Variants in EYS observed in about 807,000 individuals in gnomAD.
EYS encodes the protein EGF-like photoreceptor maintenance factor.
In EYS, 250 loss-of-function variants were observed where a neutral mutation model predicts 282.1. The ratio of observed to expected loss-of-function variants is 0.89; its 90% CI spans 0.80 to 0.98. EYS has a LOEUF of 0.98. Among genes scored for constraint, EYS ranks in the 50% least tolerant of loss-of-function variants. EYS has a pLI of 0.00. For synonymous variants in EYS, 1,355 were observed against 1,282.9 expected, an observed-to-expected ratio of 1.06 and a Z score of -1.20; for missense variants, 4,016 against 3,709.0, an observed-to-expected ratio of 1.08 and a Z score of -2.15.
intron 5 of EYS, among the ~76,000 whole-genome samples, chr6:65,427,301 T>A (rs1767697312): frequency 6.6e-6 from 1 of 152,054 alleles, no homozygotes; most frequent in Admixed American, 6.6e-5. Context: ...AAATTATAGA[T>A]CAAGTTGAAA....
intron 35 of EYS, among the ~76,000 whole-genome samples, chr6:63,960,813 C>G (rs557354398): frequency 6.6e-6 from 1 of 152,296 alleles, no homozygotes; most frequent in Non-Finnish European, 1.5e-5. Context: ...TTCTTGTGCA[C>G]TTAATATACT....
At chr6:64,738,742 A>T (rs1772270030) in intron 22 of EYS, among the ~76,000 whole-genome samples, 1 of 152,232 alleles carries the variant, frequency 6.6e-6, no homozygotes, top group Non-Finnish European at 1.5e-5. Context: ...CATGCAAAAA[A>T]GGAAAAAGAC....
intron 31 of EYS, among the ~76,000 whole-genome samples, chr6:64,103,737 A>G (rs183478527): frequency 3.9e-5 from 6 of 152,326 alleles, no homozygotes; most frequent in Non-Finnish European, 7.4e-5. Flanking sequence ...CTAAGCTCTC[A>G]GCAATGTACA....
At chr6:63,831,321 C>A (rs967659997) in intron 36 of EYS, among the ~76,000 whole-genome samples, 7 of 152,062 alleles carry the variant, frequency 4.6e-5, no homozygotes, top group African/African-American at 1.7e-4. Context: ...TCAGGAGACC[C>A]ATCTCATGTG....
intron 22 of EYS, among the ~76,000 whole-genome samples, chr6:64,795,799 A>G (rs1360783159): frequency 2.0e-5 from 3 of 152,192 alleles, no homozygotes; most frequent in Non-Finnish European, 4.4e-5. Flanking sequence ...ATTCAATTTG[A>G]TTTGGAGAAA....
Position 64,625,786 on chromosome 6 carries a change from T to C in EYS, c.3568+335A>G, listed in dbSNP as rs557513439. 2.0e-5 allele frequency among the ~76,000 whole-genome samples: 3 copies of C among 152,338 alleles called. No homozygotes were observed. The South Asian group carries it at 6.2e-4, about 32-fold the overall frequency. On this transcript the variant is annotated intron_variant, in intron 23 of 42. Coordinates refer to ENST00000503581, the MANE Select transcript of EYS (RefSeq NM_001142800.2). ...TAATAATGTCAATACTAATAAGAGC[T>C]AACATTGATAAAGTACTTGCTGTGT... is the stretch of plus-strand genomic sequence containing the variant.
chr6:64,715,149 C>A (rs1005312400), intron 22 of EYS, among the ~76,000 whole-genome samples: 1 of 151,540 alleles, frequency 6.6e-6, no homozygotes, highest in African/African-American at 2.4e-5. Context: ...TACTTTATTT[C>A]TATTACAATT....
intron 15 of EYS, among the ~76,000 whole-genome samples, chr6:64,943,522 C>G (rs1367928091): frequency 6.6e-6 from 1 of 151,992 alleles, no homozygotes; most frequent in African/African-American, 2.4e-5. Context: ...TTTCTATGCA[C>G]CAATAACATT....
intron 12 of EYS, among the ~76,000 whole-genome samples, chr6:65,166,600 C>G (rs1328306009): frequency 1.3e-5 from 2 of 151,076 alleles, no homozygotes; most frequent in Non-Finnish European, 1.5e-5. Flanking sequence ...AATATAAGAG[C>G]TAAACCTATA....
At chr6:64,501,873 C>T (rs1328122736) in intron 26 of EYS, among the ~76,000 whole-genome samples, 1 of 152,036 alleles carries the variant, frequency 6.6e-6, no homozygotes. Context: ...CCATGTATGA[C>T]CATGTATGAC....
At chr6:64,701,894 A>G (rs1417574935) in intron 22 of EYS, among the ~76,000 whole-genome samples, 1 of 151,968 alleles carries the variant, frequency 6.6e-6, no homozygotes, top group Admixed American at 6.6e-5. Flanking sequence ...GAAGTATATA[A>G]TAACTTTAAA....
At chr6:65,616,592 C>T (rs370002631) in intron 2 of EYS, among the ~76,000 whole-genome samples, 4 of 152,166 alleles carry the variant, frequency 2.6e-5, no homozygotes, top group South Asian at 4.1e-4. Context: ...TTGAGACCAT[C>T]CTGGCCAAAA....
chr6:65,566,607 C>A (rs150379484), intron 2 of EYS, among the ~76,000 whole-genome samples: 1 of 152,108 alleles, frequency 6.6e-6, no homozygotes, highest in Non-Finnish European at 1.5e-5. Context: ...TCTACCCAGA[C>A]TTGCCACCAG....
chr6:64,257,919 G>C (rs1582496144), intron 30 of EYS, among the ~76,000 whole-genome samples: 1 of 151,880 alleles, frequency 6.6e-6, no homozygotes, highest in African/African-American at 2.4e-5. Flanking sequence ...AAAAGATCCT[G>C]ATTACATCAC....
chr6:64,422,328 A>C (rs1382575635), intron 28 of EYS, among the ~76,000 whole-genome samples: 1 of 152,170 alleles, frequency 6.6e-6, no homozygotes, highest in African/African-American at 2.4e-5. Flanking sequence ...GCATCTGTGC[A>C]GTGCTGAAAG....
intron 31 of EYS, among the ~76,000 whole-genome samples, chr6:64,145,440 A>G (rs987088772): frequency 6.6e-6 from 1 of 152,106 alleles, no homozygotes; most frequent in Non-Finnish European, 1.5e-5. Flanking sequence ...TACCATGTTC[A>G]TTATATGTAA....
chr6:64,593,794 T>A (rs756078386), intron 24 of EYS, among the ~76,000 whole-genome samples: 1 of 152,166 alleles, frequency 6.6e-6, no homozygotes, highest in Non-Finnish European at 1.5e-5. Flanking sequence ...GTAGGAATGA[T>A]CTTTATGTGT....
At chr6:65,348,639 T>C (rs972284042) in intron 9 of EYS, among the ~76,000 whole-genome samples, 9 of 151,702 alleles carry the variant, frequency 5.9e-5, no homozygotes, top group African/African-American at 1.7e-4. Context: ...GTCAGACAGA[T>C]AGTTTGCAAA....
chr6:64,144,016 A>G (rs1774431971), intron 31 of EYS, among the ~76,000 whole-genome samples: 1 of 152,198 alleles, frequency 6.6e-6, no homozygotes, highest in African/African-American at 2.4e-5. Context: ...AACAGTTTTC[A>G]GAAGTGTGTT....
Sources: gnomAD v4.1 joint callset for allele counts (sites outside exome capture counted in the v4.1 genomes callset) on GRCh38, gnomAD v4.1.1 for gene constraint, MANE v1.5 for transcripts, NCBI Gene and HGNC (gene_info 2026-07-23, HGNC 2026-07-21) for gene names.